STPG2: variants seen among roughly 807,000 people sequenced by gnomAD.
STPG2 encodes sperm tail PG-rich repeat containing 2.
A neutral mutation model predicts 54.2 loss-of-function variants in STPG2; 56 were observed. The ratio of observed to expected loss-of-function variants is 1.03; its 90% CI spans 0.83 to 1.29. The LOEUF is 1.29. Among genes scored for constraint, STPG2 ranks in the 50% most tolerant of loss-of-function variants. The pLI, the probability that STPG2 is intolerant of heterozygous loss-of-function variation, is 0.00. For missense variants in STPG2, 596 were observed against 544.9 expected (o/e 1.09, Z -0.93); for synonymous variants, 200 against 181.8 (o/e 1.10, Z -0.81).
At chr4:97,955,466 C>A (rs1003540753) in intron 7 of STPG2, among the ~76,000 whole-genome samples, 11 of 152,064 alleles carry the variant, frequency 7.2e-5, no homozygotes, top group African/African-American at 2.4e-4. Flanking sequence ...CCACCCATCT[C>A]GGCCTCCCAA....
intron 8 of STPG2, among the ~76,000 whole-genome samples, chr4:97,880,858 A>T (rs544909290): frequency 6.6e-6 from 1 of 152,244 alleles, no homozygotes; most frequent in East Asian, 1.9e-4. Context: ...TTCCAATACC[A>T]GTTCAGAAGG....
intron 4 of STPG2, among the ~76,000 whole-genome samples, chr4:97,447,298 T>A (rs1729247868): frequency 6.6e-6 from 1 of 152,138 alleles, no homozygotes; most frequent in Admixed American, 6.5e-5. Flanking sequence ...AGCCTTACCA[T>A]GTAGTAGAAA....
intron 10 of STPG2, among the ~76,000 whole-genome samples, chr4:97,602,987 T>A (rs1175232274): frequency 1.3e-5 from 2 of 151,706 alleles, no homozygotes; most frequent in African/African-American, 4.8e-5. Context: ...ATTAAATTAG[T>A]TTTAAAGCAT....
chr4:97,707,588 G>A (rs10019638), intron 10 of STPG2, among the ~76,000 whole-genome samples: 34,149 of 151,904 alleles, frequency 0.22, 4,653 homozygotes, highest in Middle Eastern at 0.33. Context: ...AGAGATTTTA[G>A]AACAGAGAAG....
chr4:97,749,644 C>A (rs996545671), intron 9 of STPG2, among the ~76,000 whole-genome samples: 1 of 151,752 alleles, frequency 6.6e-6, no homozygotes, highest in Non-Finnish European at 1.5e-5. Context: ...AATTAGAACA[C>A]TTGTCCTGTG....
intron 9 of STPG2, among the ~76,000 whole-genome samples, chr4:97,837,493 G>A (rs562242490): frequency 3.1e-4 from 47 of 151,642 alleles, no homozygotes; most frequent in Admixed American, 9.2e-4. Context: ...TTCACTTACC[G>A]GAGTTGGATC....
At chr4:97,945,334 G>C (rs2149234039) in intron 7 of STPG2, among the ~76,000 whole-genome samples, 1 of 152,172 alleles carries the variant, frequency 6.6e-6, no homozygotes, top group African/African-American at 2.4e-5. Context: ...TCCTGAGCTA[G>C]TTCACTTAGA....
chr4:98,092,765 TAA>T (rs959533980), intron 5 of STPG2, among the ~76,000 whole-genome samples: 5 of 152,052 alleles, frequency 3.3e-5, no homozygotes, highest in African/African-American at 9.7e-5. Flanking sequence ...ATATAACTTT[TAA>T]AAGTCTAATA....
intron 10 of STPG2, among the ~76,000 whole-genome samples, chr4:97,662,713 C>T (rs1722409773): frequency 6.6e-6 from 1 of 152,060 alleles, no homozygotes. Context: ...TGCATGTTGT[C>T]ATTTATCAGT....
chr4:97,931,715 G>T (rs2149219240), intron 8 of STPG2, among the ~76,000 whole-genome samples: 1 of 151,990 alleles, frequency 6.6e-6, no homozygotes, highest in Admixed American at 6.6e-5. Flanking sequence ...GTGTGTGTGT[G>T]TTTCTGCCAA....
chr4:97,702,538 A>G (rs1360438472), intron 10 of STPG2, among the ~76,000 whole-genome samples: 1 of 152,120 alleles, frequency 6.6e-6, no homozygotes, highest in African/African-American at 2.4e-5. Flanking sequence ...GAAGAGAATC[A>G]ATATTATCTT....
chr4:97,756,175 C>T (rs1156289638), intron 9 of STPG2, among the ~76,000 whole-genome samples: 9 of 152,136 alleles, frequency 5.9e-5, no homozygotes, highest in Admixed American at 5.9e-4. Context: ...CAATGAGTCA[C>T]TCAATGACAT....
chr4:97,542,303 G>T (rs913699667), intron 4 of STPG2, among the ~76,000 whole-genome samples: 3 of 152,144 alleles, frequency 2.0e-5, no homozygotes, highest in Admixed American at 6.5e-5. Flanking sequence ...TCAAAAAGTG[G>T]CAAAGGATAT....
Position 97,795,427 on chromosome 4 carries a change from A to G in STPG2, c.1204+45346T>C, listed in dbSNP as rs370537602. On this transcript the variant is annotated intron_variant, in intron 9 of 10. Coordinates refer to ENST00000295268, the MANE Select transcript of STPG2 (RefSeq NM_174952.3). Reference sequence around the variant, plus strand: ...TGTTCTCATTGTTCAATTCCCACCTATAAGTGAGAACATGCAGTGTTTGGT... The same window carrying G: ...TGTTCTCATTGTTCAATTCCCACCTGTAAGTGAGAACATGCAGTGTTTGGT... Among the ~76,000 whole-genome samples the G allele has an allele frequency of 6.6e-4, 100 of 152,208 alleles. 1 individual carries two copies. The South Asian group carries it at 0.02, about 30-fold the overall frequency.
At chr4:97,706,428 C>T (rs1228141292) in intron 10 of STPG2, among the ~76,000 whole-genome samples, 2 of 152,140 alleles carry the variant, frequency 1.3e-5, no homozygotes, top group African/African-American at 4.8e-5. Flanking sequence ...CTCCTTTGCC[C>T]TTCTGCCATG....
intron 8 of STPG2, among the ~76,000 whole-genome samples, chr4:97,931,075 G>A (rs1732528542): frequency 2.0e-5 from 3 of 152,106 alleles, no homozygotes; most frequent in Admixed American, 2.0e-4. Context: ...AGCTGAAGGG[G>A]CTTTTGGGCC....
At chr4:98,136,412 T>C (rs1740136634) in intron 1 of STPG2, among the ~76,000 whole-genome samples, 1 of 149,582 alleles carries the variant, frequency 6.7e-6, no homozygotes, top group African/African-American at 2.5e-5. Context: ...TACATTAGCC[T>C]AACGTTGGGG....
At chr4:97,631,216 T>A (rs187920761) in intron 10 of STPG2, among the ~76,000 whole-genome samples, 1 of 152,094 alleles carries the variant, frequency 6.6e-6, no homozygotes, top group East Asian at 1.9e-4. Flanking sequence ...TATTATTTCC[T>A]TGACAAAGAA....
intron 10 of STPG2, among the ~76,000 whole-genome samples, chr4:97,641,036 A>G (rs1316867909): frequency 2.0e-5 from 3 of 151,656 alleles, no homozygotes; most frequent in Non-Finnish European, 4.4e-5. Flanking sequence ...TCAATAAATA[A>G]AGTAAAATAT....
Sources: gnomAD v4.1 joint callset for allele counts (sites outside exome capture counted in the v4.1 genomes callset) on GRCh38, gnomAD v4.1.1 for gene constraint, MANE v1.5 for transcripts, NCBI Gene and HGNC (gene_info 2026-07-23, HGNC 2026-07-21) for gene names.